Variants in CARHSP1 observed in about 807,000 individuals in gnomAD.
The protein encoded by CARHSP1 is calcium-regulated heat-stable protein 1.
CARHSP1 carries 14 observed loss-of-function variants against 12.5 expected under a neutral mutation model. The observed-to-expected ratio is 1.12, with a 90% CI of 0.74 to 1.75. CARHSP1 has a LOEUF of 1.75. Ranked by LOEUF, CARHSP1 falls within the 40% of genes most tolerant of loss-of-function variation. The pLI is 0.00. For synonymous variants in CARHSP1, 161 were observed against 82.0 expected (o/e 1.96, Z -5.20); for missense variants, 343 against 201.6 (o/e 1.70, Z -4.25).
In CARHSP1 at chr16:8,853,477, T is replaced by C. The variant is rs959267850; in HGVS notation, c.*1687A>G. The C allele has an allele frequency of 6.6e-6, 1 of 152,100 alleles. No individual in the cohort carries two copies. The highest frequency in any genetic ancestry group is 1.5e-5 in the Non-Finnish European group (1 of 68,036). The allele number at this position is 152,100 out of a possible 1,614,324, so 9.4% of individuals were successfully genotyped here. On this transcript the variant is annotated 3_prime_UTR_variant, in exon 4 of 4. Transcript: ENST00000311052. Reference sequence around the variant, plus strand: ...TGCCTTTGTCTCCACACACTCGCAATCAACATGCGTATTTGCTATTCTCAA... The same window carrying C: ...TGCCTTTGTCTCCACACACTCGCAACCAACATGCGTATTTGCTATTCTCAA...
At chr16:8,868,277 G>C (rs998141157) in intron 1 of CARHSP1, 1 of 152,146 alleles carries the variant, frequency 6.6e-6, no homozygotes, top group Non-Finnish European at 1.5e-5. Context: ...AGGGCCGGAG[G>C]CTTCCTTTTT....
intron 1 of CARHSP1, among the ~76,000 whole-genome samples, chr16:8,864,832 A>G (rs2061428579): frequency 6.6e-6 from 1 of 152,202 alleles, no homozygotes; most frequent in Non-Finnish European, 1.5e-5. Context: ...AATTTTCCGT[A>G]GGCTCTGCAG....
chr16:8,859,972 G>T, intron 1 of CARHSP1: 1 of 193,340 alleles, frequency 5.2e-6, no homozygotes, highest in Non-Finnish European at 9.4e-6. Flanking sequence ...GCAAGACTCT[G>T]TCTCAAAAAA....
intron 1 of CARHSP1, among the ~76,000 whole-genome samples, chr16:8,865,173 A>G (rs1388673016): frequency 6.6e-6 from 1 of 152,102 alleles, no homozygotes; most frequent in East Asian, 1.9e-4. Context: ...CAGTGGCACA[A>G]TCTCAGCTCA....
rs2061006749 is a variant in CARHSP1 at position 8,853,624 on chromosome 16, C to T, written c.*1540G>A. ...GGACGTTTACTGTCTGCCCAAAAGC[C>T]AGTTTCCAAAAGGTTTGCTTGCCTC... On this transcript the variant is annotated 3_prime_UTR_variant, in exon 4 of 4. Transcript: ENST00000311052. The T allele has an allele frequency of 6.6e-6, 1 of 152,216 alleles. No individual in the cohort carries two copies. Among genetic ancestry groups the T allele is most frequent in the Non-Finnish European group, 1.5e-5 (1 of 68,046 alleles). 9.4% of individuals were successfully genotyped at this position (152,216 alleles called of 1,614,324 possible).
rs758623359 is a variant in CARHSP1 at position 8,858,450 on chromosome 16, G to A, written c.181C>T (p.Pro61Ser). ...CATTTGCAGACTCCTTTGTAGACGG[G>A]GCCCTGTGAAGCCCGCACCGTCCTG... ...FSATVRASQG[P>S]VYKGVCKCFC... is the part of the protein sequence containing the mutation. The change falls in exon 3 of 4, where the codon CCC (proline) becomes TCC (serine). Residue 61 changes from proline (P) to serine (S), a missense_variant. Coordinates refer to ENST00000311052, the MANE Select transcript of CARHSP1 (RefSeq NM_014316.4). 3.5e-5 allele frequency: 56 copies of A among 1,613,776 alleles called. No homozygotes were observed. Among genetic ancestry groups the A allele is most frequent in the Non-Finnish European group, 4.7e-5 (55 of 1,180,010 alleles).
chr16:8,865,993 A>T (rs2141129056), intron 1 of CARHSP1, among the ~76,000 whole-genome samples: 1 of 151,950 alleles, frequency 6.6e-6, no homozygotes, highest in South Asian at 2.1e-4. Context: ...TTGCTTTGTT[A>T]CCCAGGCTGG....
In CARHSP1 at chr16:8,858,376, G is replaced by A; in HGVS notation, c.255C>T (p.Gly85=). 1 of 1,613,950 alleles carries A rather than the reference G, an allele frequency of 6.2e-7. No homozygotes were observed. The highest frequency in any genetic ancestry group is 2.2e-5 in the East Asian group (1 of 44,890). ...GHGFITPADG[G]PDIFLHISDV... is the part of the protein sequence containing the mutation. ...CAGAGATGTGCAGGAAGATGTCGGGGCCGCCATCAGCTGGAGTAATGAAGC... is the reference window on the plus strand; with the variant it reads ...CAGAGATGTGCAGGAAGATGTCGGGACCGCCATCAGCTGGAGTAATGAAGC... The change falls in exon 3 of 4, where the codon GGC becomes GGT. Residue 85 remains glycine, a synonymous_variant. Transcript: ENST00000311052.
rs768850233 is a variant in CARHSP1 at position 8,858,421 on chromosome 16, G to A, written c.210C>T (p.Phe70=). 19 of 1,613,970 alleles carry A rather than the reference G, an allele frequency of 1.2e-5. No individual in the cohort carries two copies. Among genetic ancestry groups the A allele is most frequent in the African/African-American group, 5.3e-5 (4 of 74,926 alleles). The change falls in exon 3 of 4, where the codon TTC becomes TTT. Residue 70 remains phenylalanine (F), a synonymous_variant. Coordinates refer to ENST00000311052, the MANE Select transcript of CARHSP1 (RefSeq NM_014316.4). ...GPVYKGVCKC[F]CRSKGHGFIT... ...TGAAGCCATGGCCCTTGGACCGGCA[G>A]AAGCATTTGCAGACTCCTTTGTAGA...
intron 1 of CARHSP1, among the ~76,000 whole-genome samples, chr16:8,862,708 G>A (rs2061387919): frequency 6.6e-6 from 1 of 152,300 alleles, no homozygotes; most frequent in South Asian, 2.1e-4. Context: ...GGGCCCGGGT[G>A]GGACTGAGGC....
chr16:8,859,358 G>C, intron 1 of CARHSP1, 23 bp from the exon 2 acceptor site: 1 of 1,588,888 alleles, frequency 6.3e-7, no homozygotes, highest in Non-Finnish European at 8.5e-7. Flanking sequence ...GAGGCTGTCA[G>C]GGGCTCGTGC....
Position 8,859,123 on chromosome 16 carries a change from G to A in CARHSP1, c.158+48C>T, listed in dbSNP as rs535195255. ...GAGACACAGTGAATCTCTGGCCTCA[G>A]GCAAGAGATCCATCTGAGAACGCGT... On this transcript the variant is annotated intron_variant, in intron 2 of 3. Transcript: ENST00000311052. The A allele has an allele frequency of 2.3e-5, 35 of 1,516,402 alleles. 1 individual carries two copies. Among genetic ancestry groups the A allele is most frequent in the South Asian group, 7.5e-5 (6 of 80,016 alleles). The allele number at this position is 1,516,402 out of a possible 1,614,324, so 93.9% of individuals were successfully genotyped here.
Position 8,853,369 on chromosome 16 carries a change from CAGAGGCGGG to C in CARHSP1, c.*1786_*1794del, listed in dbSNP as rs1183594101. ...AGGCCACCTTTGACCCAGCAGAAGG[CAGAGGCGGG>C]AGAGGAGGGTGAGGATGTACAAGGA... On this transcript the variant is annotated 3_prime_UTR_variant, in exon 4 of 4. Coordinates refer to ENST00000311052, the MANE Select transcript of CARHSP1 (RefSeq NM_014316.4). 3 of 152,082 alleles carry C rather than the reference CAGAGGCGGG, an allele frequency of 2.0e-5. No individual in the cohort carries two copies. Among genetic ancestry groups the C allele is most frequent in the African/African-American group, 4.8e-5 (2 of 41,288 alleles). The allele number at this position is 152,082 out of a possible 1,614,324, so 9.4% of individuals were successfully genotyped here. A position where few individuals can be genotyped will look rare whatever the true frequency, so the allele number is the denominator to read the frequency against.
chr16:8,853,207 A>T lies in CARHSP1; in HGVS notation c.*1957T>A, dbSNP rs570969505. On this transcript the variant is annotated 3_prime_UTR_variant, in exon 4 of 4. Coordinates refer to ENST00000311052, the MANE Select transcript of CARHSP1 (RefSeq NM_014316.4). Reference sequence around the variant, plus strand: ...GAGCCGCTGACAAAGGATTCTGCCAAGACAGAATCCCAGGGTCACAGGAGA... The same window carrying T: ...GAGCCGCTGACAAAGGATTCTGCCATGACAGAATCCCAGGGTCACAGGAGA... 6.6e-6 allele frequency: 1 copy of T among 152,172 alleles called. No homozygotes were observed. The highest frequency in any genetic ancestry group is 1.5e-5 in the Non-Finnish European group (1 of 68,064). 9.4% of individuals were successfully genotyped at this position (152,172 alleles called of 1,614,324 possible).
At chr16:8,858,325 C>G in intron 3 of CARHSP1, 25 bp downstream of exon 3, 1 of 1,609,550 alleles carries the variant, frequency 6.2e-7, no homozygotes, top group Non-Finnish European at 8.5e-7. Flanking sequence ...CCCAGCCAGG[C>G]CACCCAGACC....
At chr16:8,862,815 C>G (rs149761615) in intron 1 of CARHSP1, among the ~76,000 whole-genome samples, 1 of 152,180 alleles carries the variant, frequency 6.6e-6, no homozygotes, top group Admixed American at 6.5e-5. Flanking sequence ...GCCGCGTCAT[C>G]ATCATCATCA....
chr16:8,859,170 C>A lies in CARHSP1; in HGVS notation c.158+1G>T, dbSNP rs759244031. On this transcript the variant is annotated splice_donor_variant, in intron 2 of 3. Coordinates refer to ENST00000311052, the MANE Select transcript of CARHSP1 (RefSeq NM_014316.4). LOFTEE classifies it high-confidence loss of function. ...GCGTCCCCAGCCTGCTCCAGACTCACGCCGAGAAGGTCCTCGTCCGGCGAG... is the reference window on the plus strand; with the variant it reads ...GCGTCCCCAGCCTGCTCCAGACTCAAGCCGAGAAGGTCCTCGTCCGGCGAG... 5 of 1,596,818 alleles carry A rather than the reference C, an allele frequency of 3.1e-6. No individual in the cohort carries two copies. Among genetic ancestry groups the A allele is most frequent in the Admixed American group, 3.4e-5 (2 of 58,812 alleles).
intron 1 of CARHSP1, chr16:8,861,863 T>G (rs2061365362): frequency 8.6e-7 from 1 of 1,161,762 alleles, no homozygotes; most frequent in Non-Finnish European, 1.1e-6. Flanking sequence ...GGGAGGGCCC[T>G]GTCCAGGCCT....
chr16:8,858,532 T>G (rs1001935102), intron 2 of CARHSP1, 60 bp from the exon 3 acceptor site: 24 of 1,587,674 alleles, frequency 1.5e-5, no homozygotes, highest in Non-Finnish European at 2.0e-5. Flanking sequence ...ACAAAGCTCA[T>G]TCCAGCCCCT....
Sources: allele counts gnomAD v4.1 joint callset (sites outside exome capture counted in the v4.1 genomes callset), GRCh38; gene constraint gnomAD v4.1.1; transcripts MANE v1.5; gene names NCBI Gene and HGNC (gene_info 2026-07-23, HGNC 2026-07-21).